The following GRM8 variants were observed in gnomAD, a reference collection of about 807,000 sequenced individuals.
The protein encoded by GRM8 is glutamate metabotropic receptor 8, also known as metabotropic glutamate receptor 8.
In GRM8, 47 loss-of-function variants were observed where a neutral mutation model predicts 87.2. The ratio of observed to expected loss-of-function variants is 0.54; its 90% confidence interval spans 0.43 to 0.69. The LOEUF is 0.69. Among genes scored for constraint, GRM8 ranks in the 30% least tolerant of loss-of-function variants. GRM8 has a pLI of 0.00. For missense variants in GRM8, 1,019 were observed against 1,139.2 expected, an observed-to-expected ratio of 0.89 and a Z score of 1.52; for synonymous variants, 396 against 404.5, an observed-to-expected ratio of 0.98 and a Z score of 0.25.
intron 8 of GRM8, among the ~76,000 whole-genome samples, chr7:126,534,298 TA>T (rs1815334059): frequency 6.6e-6 from 1 of 152,306 alleles, no homozygotes; most frequent in Middle Eastern, 3.4e-3. Flanking sequence ...TAAACATATA[TA>T]AAAGATGATC....
chr7:127,223,607 T>A (rs1036663900), intron 2 of GRM8, among the ~76,000 whole-genome samples: 1 of 151,906 alleles, frequency 6.6e-6, no homozygotes, highest in Admixed American at 6.6e-5. Context: ...TGGCCTTTCA[T>A]CTCTGCTAGG....
chr7:126,444,717 G>A (rs1801821293), intron 10 of GRM8, among the ~76,000 whole-genome samples: 1 of 152,054 alleles, frequency 6.6e-6, no homozygotes, highest in Non-Finnish European at 1.5e-5. Context: ...TAGACCATAA[G>A]TTGCTATAAT....
chr7:126,623,039 A>G (rs1220194821), intron 7 of GRM8, among the ~76,000 whole-genome samples: 1 of 152,222 alleles, frequency 6.6e-6, no homozygotes, highest in African/African-American at 2.4e-5. Flanking sequence ...TCCGCTTAGT[A>G]AGCAGCTTAC....
At chr7:126,691,761 A>C (rs1425617290) in intron 7 of GRM8, among the ~76,000 whole-genome samples, 2 of 152,190 alleles carry the variant, frequency 1.3e-5, no homozygotes, top group African/African-American at 2.4e-5. Context: ...AGAGTGGAGC[A>C]GATAAACTTC....
chr7:127,067,825 T>A (rs899565400), intron 3 of GRM8, among the ~76,000 whole-genome samples: 1 of 152,182 alleles, frequency 6.6e-6, no homozygotes, highest in Non-Finnish European at 1.5e-5. Flanking sequence ...AATCTTCATT[T>A]TCATCTTATT....
chr7:126,706,235 G>A (rs1255928811), intron 7 of GRM8, among the ~76,000 whole-genome samples: 3 of 152,008 alleles, frequency 2.0e-5, no homozygotes, highest in African/African-American at 7.2e-5. Context: ...GAACCAATAA[G>A]CCAATTCCTT....
intron 7 of GRM8, among the ~76,000 whole-genome samples, chr7:126,659,034 G>A (rs1383032911): frequency 4.2e-5 from 5 of 118,422 alleles, no homozygotes; most frequent in Non-Finnish European, 8.8e-5. Context: ...GTTGCGCCCC[G>A]CCCCCCGCCC....
At chr7:127,159,681 T>G (rs1359542871) in intron 2 of GRM8, among the ~76,000 whole-genome samples, 2 of 152,184 alleles carry the variant, frequency 1.3e-5, no homozygotes, top group Non-Finnish European at 2.9e-5. Context: ...TTACAGTCAT[T>G]TTGCCACAGG....
At chr7:127,091,530 C>A (rs1269911833) in intron 3 of GRM8, among the ~76,000 whole-genome samples, 1 of 87,344 alleles carries the variant, frequency 1.1e-5, no homozygotes, top group African/African-American at 4.7e-5. Flanking sequence ...TCATCCCCCC[C>A]ACCACCATCC....
chr7:126,528,309 C>T (rs1562923147), intron 9 of GRM8, among the ~76,000 whole-genome samples: 1 of 152,152 alleles, frequency 6.6e-6, no homozygotes, highest in Non-Finnish European at 1.5e-5. Context: ...GAGACAATTA[C>T]TTGGATAAAT....
chr7:126,910,385 G>T (rs1803164041), intron 3 of GRM8, among the ~76,000 whole-genome samples: 1 of 151,822 alleles, frequency 6.6e-6, no homozygotes, highest in African/African-American at 2.4e-5. Flanking sequence ...ACTGCGTTTG[G>T]TACATAGACT....
chr7:126,483,745 C>CTAT (rs1807011968), intron 9 of GRM8, among the ~76,000 whole-genome samples: 1 of 36,468 alleles, frequency 2.7e-5, no homozygotes, highest in Admixed American at 3.1e-4. Context: ...TAGTATTTCC[C>CTAT]TCCCTCCCTC....
At chr7:127,092,558 C>G (rs545914292) in intron 3 of GRM8, among the ~76,000 whole-genome samples, 1 of 152,124 alleles carries the variant, frequency 6.6e-6, no homozygotes, top group South Asian at 2.1e-4. Flanking sequence ...ATACAAAAAG[C>G]TAGCTGGGTG....
intron 2 of GRM8, among the ~76,000 whole-genome samples, chr7:127,238,995 G>C (rs987217679): frequency 1.5e-4 from 23 of 152,174 alleles, no homozygotes; most frequent in African/African-American, 4.6e-4. Context: ...CTAACATAGA[G>C]ATAGCTGACA....
chr7:126,641,991 C>T (rs943106328), intron 7 of GRM8, among the ~76,000 whole-genome samples: 20 of 152,156 alleles, frequency 1.3e-4, no homozygotes, highest in Admixed American at 1.3e-3. Context: ...CTTGGGTGGG[C>T]ACACTGCTAT....
intron 6 of GRM8, among the ~76,000 whole-genome samples, chr7:126,804,423 T>C (rs144236057): frequency 8.7e-4 from 132 of 152,352 alleles, no homozygotes; most frequent in African/African-American, 3.1e-3. Context: ...TCTTCTGCCA[T>C]AATTGGCCAG....
At chr7:126,997,925 C>T (rs1813342803) in intron 3 of GRM8, among the ~76,000 whole-genome samples, 1 of 151,864 alleles carries the variant, frequency 6.6e-6, no homozygotes, top group South Asian at 2.1e-4. Flanking sequence ...CGAATTCATT[C>T]TATAAATCCA....
chr7:126,747,331 G>T (rs1029181513), intron 7 of GRM8, among the ~76,000 whole-genome samples: 1 of 152,010 alleles, frequency 6.6e-6, no homozygotes, highest in African/African-American at 2.4e-5. Context: ...GGCATTTAAA[G>T]GTATGCATTC....
At chr7:126,472,301 C>G (rs1805363402) in intron 9 of GRM8, among the ~76,000 whole-genome samples, 1 of 152,140 alleles carries the variant, frequency 6.6e-6, no homozygotes, top group Non-Finnish European at 1.5e-5. Context: ...TTTGCCCATT[C>G]AGTATGATAT....
Sources: allele counts gnomAD v4.1 joint callset (sites outside exome capture counted in the v4.1 genomes callset), GRCh38; gene constraint gnomAD v4.1.1; transcripts MANE v1.5; gene names NCBI Gene and HGNC (gene_info 2026-07-23, HGNC 2026-07-21).